Variants in AP1G1 observed in about 807,000 individuals in gnomAD.
AP1G1 encodes adaptor related protein complex 1 subunit gamma 1.
AP1G1 carries 7 observed loss-of-function variants against 108.3 expected under a neutral mutation model. The observed-to-expected ratio is 0.06, with a 90% CI of 0.04 to 0.12. The LOEUF (loss-of-function observed/expected upper bound fraction) is 0.12. Ranked by LOEUF, AP1G1 falls within the 10% of genes least tolerant of loss-of-function variation. The probability of loss-of-function intolerance (pLI) is 1.00; values close to 1 mark genes in which losing one functional copy is unlikely to be tolerated. For synonymous variants in AP1G1, 379 were observed against 353.5 expected, an observed-to-expected ratio of 1.07 and a Z score of -0.81; for missense variants, 756 against 1,010.7, an observed-to-expected ratio of 0.75 and a Z score of 3.42.
At chr16:71,773,476 G>T in intron 3 of AP1G1, 114 bp from the exon 4 acceptor site, 2 of 1,062,472 alleles carry the variant, frequency 1.9e-6, no homozygotes, top group South Asian at 2.4e-5. Flanking sequence ...AAAACAATAG[G>T]ATTATTTGTT....
chr16:71,791,538 A>C (rs994047152), intron 1 of AP1G1, among the ~76,000 whole-genome samples: 1 of 152,078 alleles, frequency 6.6e-6, no homozygotes, highest in African/African-American at 2.4e-5. Context: ...AAAAAAAGTT[A>C]GCCAAACATA....
chr16:71,779,239 T>C (rs1415106252), intron 2 of AP1G1, among the ~76,000 whole-genome samples: 1 of 152,100 alleles, frequency 6.6e-6, no homozygotes, highest in Non-Finnish European at 1.5e-5. Context: ...TTGAAAACTA[T>C]GGGTCACCGC....
At chr16:71,746,037 G>T (rs2030158306) in intron 17 of AP1G1, among the ~76,000 whole-genome samples, 1 of 151,474 alleles carries the variant, frequency 6.6e-6, no homozygotes, top group Non-Finnish European at 1.5e-5. Context: ...TTGAGACAGA[G>T]TCTTGCTCTG....
At position 71,789,490 on chromosome 16, in the gene AP1G1, T is replaced by C. The variant is rs182608849; in HGVS notation, c.-3-8A>G. ...GATGGGGGCTGGCATCCTCTGGATA[T>C]GGAAAGACATTAAATAGAGATGTTC... On this transcript the variant is annotated splice_region_variant and splice_polypyrimidine_tract_variant and intron_variant, in intron 1 of 22. Coordinates refer to ENST00000299980, the MANE Select transcript of AP1G1 (RefSeq NM_001128.6). The C allele has an allele frequency of 3.1e-3, 4,930 of 1,613,242 alleles. 8 individuals are homozygous for C. Among genetic ancestry groups the C allele is most frequent in the Non-Finnish European group, 3.7e-3 (4,365 of 1,179,296 alleles).
intron 21 of AP1G1, 39 bp from the exon 22 acceptor site, chr16:71,734,746 A>T: frequency 6.5e-7 from 1 of 1,531,036 alleles, no homozygotes; most frequent in Non-Finnish European, 9.1e-7. Context: ...AAAAAGAATT[A>T]CACAACGCTA....
chr16:71,793,400 T>A (rs941728386), intron 1 of AP1G1, among the ~76,000 whole-genome samples: 2 of 151,670 alleles, frequency 1.3e-5, no homozygotes, highest in Admixed American at 1.3e-4. Flanking sequence ...AAGCTACAAA[T>A]CAGAAAACTG....
At chr16:71,767,967 T>G (rs1597062066) in intron 6 of AP1G1, 1 of 1,429,318 alleles carries the variant, frequency 7.0e-7, no homozygotes, top group African/African-American at 1.4e-5. Context: ...GGTCTCATAC[T>G]ATATTACAAT....
intron 1 of AP1G1, among the ~76,000 whole-genome samples, chr16:71,795,141 G>A (rs2032541324): frequency 6.6e-6 from 1 of 151,942 alleles, no homozygotes; most frequent in South Asian, 2.1e-4. Flanking sequence ...CGTTCTCCCT[G>A]CTTTAGAACT....
chr16:71,769,499 C>T (rs771435026), intron 6 of AP1G1, 124 bp downstream of exon 6: 5 of 896,470 alleles, frequency 5.6e-6, no homozygotes, highest in Middle Eastern at 6.9e-4. Context: ...CATAGCAGGG[C>T]TAGTTAAATC....
intron 2 of AP1G1, among the ~76,000 whole-genome samples, chr16:71,785,612 T>C (rs1291764017): frequency 2.1e-5 from 3 of 141,684 alleles, no homozygotes; most frequent in Non-Finnish European, 4.6e-5. Flanking sequence ...GGGCTGGGAA[T>C]GGTGGCTCAC....
At chr16:71,780,056 C>T (rs9931717) in intron 2 of AP1G1, among the ~76,000 whole-genome samples, 50,448 of 145,640 alleles carry the variant, frequency 0.35, 9,409 homozygotes, top group East Asian at 0.77. Context: ...TGCAGTGGTG[C>T]GATCTCGGCT....
At chr16:71,750,029 A>G (rs779310590) in intron 14 of AP1G1, 46 bp from the exon 15 acceptor site, 4 of 1,548,464 alleles carry the variant, frequency 2.6e-6, no homozygotes, top group Non-Finnish European at 3.6e-6. Flanking sequence ...CAATTTTTCC[A>G]AAGTTATTTA....
rs116277328 is a variant in AP1G1, at chr16:71,796,530, A to G, written c.-3-7048T>C. Among the ~76,000 whole-genome samples, 285 of 152,278 alleles carry G rather than the reference A, an allele frequency of 1.9e-3. 1 individual carries two copies. Among genetic ancestry groups the G allele is most frequent in the Middle Eastern group, 0.01 (3 of 294 alleles). ...AGAAAAGCATATCCCCCCCTTGTGA[A>G]TTACAATACTACAGTATTATTATAA... On this transcript the variant is annotated intron_variant, in intron 1 of 22. Coordinates refer to ENST00000299980, the MANE Select transcript of AP1G1 (RefSeq NM_001128.6).
chr16:71,789,303 C>A lies in AP1G1; in HGVS notation c.177G>T (p.Leu59=), dbSNP rs533203742. 1 of 1,614,048 alleles carries A rather than the reference C, an allele frequency of 6.2e-7. No homozygotes were observed. Among genetic ancestry groups the A allele is most frequent in the Admixed American group, 1.7e-5 (1 of 59,996 alleles). ...NVAKLLYMHM[L]GYPAHFGQLE... ...CCTGTCCAAAGTGAGCAGGGTAGCC[C>A]AGCATGTGCATATACAGTAATTTTG... Residue 59 remains leucine (L), a synonymous_variant, in exon 2 of 23, where the codon CTG becomes CTT. Transcript: ENST00000299980.
intron 5 of AP1G1, 49 bp downstream of exon 5, chr16:71,771,107 C>A: frequency 8.1e-7 from 1 of 1,228,358 alleles, no homozygotes; most frequent in Non-Finnish European, 1.2e-6. Flanking sequence ...AGCCTTTTCT[C>A]TTTCCCTTTC....
At position 71,732,798 on chromosome 16, in the gene AP1G1, G is replaced by A; in HGVS notation, c.*260C>T. Reference sequence around the variant, plus strand: ...TGATTCTGGCTGTAAATGTGGGAGGGGTGGAGAAGTGCGGAAAAAGGAGAA... The same window carrying A: ...TGATTCTGGCTGTAAATGTGGGAGGAGTGGAGAAGTGCGGAAAAAGGAGAA... On this transcript the variant is annotated 3_prime_UTR_variant, in exon 23 of 23. Coordinates refer to ENST00000299980, the MANE Select transcript of AP1G1 (RefSeq NM_001128.6). 1 of 363,350 alleles carries A rather than the reference G, an allele frequency of 2.8e-6. No individual in the cohort carries two copies. The highest frequency in any genetic ancestry group is 5.0e-6 in the Non-Finnish European group (1 of 199,776). The allele number at this position is 363,350 out of a possible 1,614,324, so 22.5% of individuals were successfully genotyped here. A position where few individuals can be genotyped will look rare whatever the true frequency, so the allele number is the denominator to read the frequency against.
chr16:71,787,543 T>G (rs1444959688), intron 2 of AP1G1, among the ~76,000 whole-genome samples: 1 of 152,220 alleles, frequency 6.6e-6, no homozygotes, highest in Non-Finnish European at 1.5e-5. Flanking sequence ...GTAAATGTAC[T>G]GCTTCCAAAA....
chr16:71,748,832 G>C (rs561753249), intron 15 of AP1G1, among the ~76,000 whole-genome samples: 2 of 152,186 alleles, frequency 1.3e-5, no homozygotes, highest in Non-Finnish European at 2.9e-5. Context: ...CACTAGGACA[G>C]AGACTTGGGC....
intron 5 of AP1G1, among the ~76,000 whole-genome samples, chr16:71,770,011 G>T (rs8062441): frequency 0.29 from 43,525 of 152,080 alleles, 8,137 homozygotes; most frequent in East Asian, 0.76. Context: ...TGCAAGCTAG[G>T]TATGATCTGT....
Sources: gnomAD v4.1 joint callset for allele counts (sites outside exome capture counted in the v4.1 genomes callset) on GRCh38, gnomAD v4.1.1 for gene constraint, MANE v1.5 for transcripts, NCBI Gene and HGNC (gene_info 2026-07-23, HGNC 2026-07-21) for gene names.